Variants in UNC79 observed in about 807,000 individuals in gnomAD.
UNC79 encodes the protein protein unc-79 homolog.
In UNC79, 37 loss-of-function variants were observed where a neutral mutation model predicts 283.1. The observed-to-expected ratio is 0.13, with a 90% CI of 0.10 to 0.17. The LOEUF (loss-of-function observed/expected upper bound fraction) is 0.17. Ranked by LOEUF, UNC79 falls within the 10% of genes least tolerant of loss-of-function variation. The probability of loss-of-function intolerance (pLI) is 1.00; values close to 1 mark genes in which losing one functional copy is unlikely to be tolerated. For synonymous variants in UNC79, 1,107 were observed against 1,200.2 expected, an observed-to-expected ratio of 0.92 and a Z score of 1.61; for missense variants, 2,272 against 3,211.1, an observed-to-expected ratio of 0.71 and a Z score of 7.07.
At chr14:93,498,475 C>A (rs750980746) in intron 7 of UNC79, among the ~76,000 whole-genome samples, 1 of 151,634 alleles carries the variant, frequency 6.6e-6, no homozygotes, top group Non-Finnish European at 1.5e-5. Context: ...CCTCTAGTCC[C>A]GGCTGCTTGG....
chr14:93,573,457 A>C (rs2063315057), intron 16 of UNC79, among the ~76,000 whole-genome samples: 1 of 152,186 alleles, frequency 6.6e-6, no homozygotes, highest in African/African-American at 2.4e-5. Context: ...TCCTCCTAGA[A>C]TATGGCACAC....
At chr14:93,455,633 C>T (rs922299457) in intron 1 of UNC79, among the ~76,000 whole-genome samples, 1 of 152,094 alleles carries the variant, frequency 6.6e-6, no homozygotes, top group African/African-American at 2.4e-5. Flanking sequence ...AGAAGAGAAA[C>T]TCACCTGTAA....
intron 17 of UNC79, 131 bp from the exon 18 acceptor site, chr14:93,577,711 C>G: frequency 1.2e-6 from 1 of 830,544 alleles, no homozygotes; most frequent in Non-Finnish European, 1.9e-6. Context: ...TTTGGAGGTA[C>G]TAATGCCATT....
At chr14:93,402,855 G>C (rs893112450) in intron 1 of UNC79, among the ~76,000 whole-genome samples, 4 of 152,144 alleles carry the variant, frequency 2.6e-5, no homozygotes, top group African/African-American at 9.7e-5. Context: ...TACAAAGTTT[G>C]TTTTGCCAAG....
intron 39 of UNC79, among the ~76,000 whole-genome samples, chr14:93,660,373 C>G (rs1596277445): frequency 6.6e-6 from 1 of 151,646 alleles, no homozygotes; most frequent in East Asian, 1.9e-4. Context: ...CATATCGCCC[C>G]ATCACTATGC....
chr14:93,337,547 T>G (rs2053605470), intron 1 of UNC79, among the ~76,000 whole-genome samples: 1 of 152,200 alleles, frequency 6.6e-6, no homozygotes, highest in Non-Finnish European at 1.5e-5. Flanking sequence ...ATAGCCCTCC[T>G]GCCCTCTGCA....
At chr14:93,405,209 G>C (rs532172051) in intron 1 of UNC79, among the ~76,000 whole-genome samples, 1 of 151,800 alleles carries the variant, frequency 6.6e-6, no homozygotes, top group South Asian at 2.1e-4. Context: ...CTTGAACCTG[G>C]GAGGCGGAGT....
intron 4 of UNC79, among the ~76,000 whole-genome samples, chr14:93,478,379 C>T (rs538701225): frequency 5.7e-4 from 87 of 152,138 alleles, no homozygotes; most frequent in Non-Finnish European, 9.9e-4. Context: ...TCCAGACATG[C>T]GCACAAAGAG....
intron 4 of UNC79, among the ~76,000 whole-genome samples, chr14:93,479,184 C>CTTCA (rs2057973308): frequency 8.2e-6 from 1 of 122,698 alleles, no homozygotes; most frequent in Non-Finnish European, 1.8e-5. Flanking sequence ...TCCTTCCTTC[C>CTTCA]TTCCTTCCTT....
chr14:93,358,703 AG>A (rs2054160113), intron 1 of UNC79, among the ~76,000 whole-genome samples: 1 of 152,180 alleles, frequency 6.6e-6, no homozygotes, highest in Non-Finnish European at 1.5e-5. Context: ...CATTCCCAGT[AG>A]TGGCAACATC....
At chr14:93,413,065 GGTACAT>G (rs1566919971) in intron 1 of UNC79, among the ~76,000 whole-genome samples, 1 of 151,716 alleles carries the variant, frequency 6.6e-6, no homozygotes, top group Non-Finnish European at 1.5e-5. Context: ...TAAGTTTTAC[GGTACAT>G]GTGCACAATG....
intron 1 of UNC79, 128 bp from the exon 2 acceptor site, chr14:93,467,543 A>AAATTCTTG (rs2057252040): frequency 9.3e-7 from 1 of 1,075,510 alleles, no homozygotes; most frequent in Admixed American, 4.5e-5. Flanking sequence ...AATACTGATT[A>AAATTCTTG]AATTCTTGTT....
At position 93,585,300 on chromosome 14, in the gene UNC79, C is replaced by T. The variant is rs557237256; in HGVS notation, c.2804-1296C>T. On this transcript the variant is annotated intron_variant, in intron 20 of 48. Transcript: ENST00000555664. Reference sequence around the variant, plus strand: ...GAGCCTCTCTCCTGCTTCTGCTCTGCGGGCCTTCAGGCAGTGATCTGGAGC... The same window carrying T: ...GAGCCTCTCTCCTGCTTCTGCTCTGTGGGCCTTCAGGCAGTGATCTGGAGC... Among the ~76,000 whole-genome samples the T allele has an allele frequency of 5.9e-5, 9 of 152,302 alleles. No individual in the cohort carries two copies. The South Asian group carries it at 1.2e-3, about 21-fold the overall frequency.
chr14:93,664,755 C>T (rs990866454), intron 40 of UNC79, among the ~76,000 whole-genome samples: 1 of 152,098 alleles, frequency 6.6e-6, no homozygotes, highest in African/African-American at 2.4e-5. Context: ...GCTCTTGGAA[C>T]TCCCAAGTTG....
At chr14:93,347,219 C>G (rs781077446) in intron 1 of UNC79, 1 of 1,529,478 alleles carries the variant, frequency 6.5e-7, no homozygotes. Flanking sequence ...GTTACTTGGC[C>G]TCACCTCACC....
intron 23 of UNC79, among the ~76,000 whole-genome samples, 176 bp downstream of exon 23, chr14:93,594,013 G>A (rs1336903466): frequency 1.3e-5 from 2 of 152,132 alleles, no homozygotes; most frequent in African/African-American, 4.8e-5. Flanking sequence ...ACAGCATTTT[G>A]CAGAGTGGTC....
chr14:93,445,902 C>T (rs1391799447), intron 1 of UNC79, among the ~76,000 whole-genome samples: 1 of 151,974 alleles, frequency 6.6e-6, no homozygotes, highest in East Asian at 1.9e-4. Flanking sequence ...TGTCTAGTTG[C>T]CATTTACTGG....
At chr14:93,498,071 G>T (rs2059101020) in intron 7 of UNC79, among the ~76,000 whole-genome samples, 1 of 151,936 alleles carries the variant, frequency 6.6e-6, no homozygotes, top group South Asian at 2.1e-4. Context: ...GAGATGGGCG[G>T]TTCGCCTGAG....
intron 35 of UNC79, 25 bp from the exon 39 acceptor site, chr14:93,653,717 T>C (rs932299852): frequency 7.5e-6 from 12 of 1,598,460 alleles, no homozygotes; most frequent in Non-Finnish European, 1.0e-5. Flanking sequence ...TGACTTCGTG[T>C]CTTTTCTCCC....
Sources: allele counts gnomAD v4.1 joint callset (sites outside exome capture counted in the v4.1 genomes callset), GRCh38; gene constraint gnomAD v4.1.1; transcripts MANE v1.5; gene names NCBI Gene and HGNC (gene_info 2026-07-23, HGNC 2026-07-21).